The following ANKRD44 variants were observed in gnomAD, a reference collection of about 807,000 sequenced individuals.
ANKRD44 encodes the protein serine/threonine-protein phosphatase 6 regulatory ankyrin repeat subunit B.
A neutral mutation model predicts 116.0 loss-of-function variants in ANKRD44; 35 were observed. The ratio of observed to expected loss-of-function variants is 0.30; its 90% CI spans 0.23 to 0.40. The LOEUF is 0.40. ANKRD44 is among the 10% of genes least tolerant of loss of function. The probability of loss-of-function intolerance (pLI) is 1.00; values close to 1 mark genes in which losing one functional copy is unlikely to be tolerated. For synonymous variants in ANKRD44, 435 were observed against 461.8 expected (o/e 0.94, Z 0.74); for missense variants, 1,014 against 1,242.6 (o/e 0.82, Z 2.77).
chr2:197,263,391 G>T (rs554265383), intron 1 of ANKRD44: 1 of 612,388 alleles, frequency 1.6e-6, no homozygotes. Context: ...TTGCGACTGT[G>T]TTTGGGAGCC....
chr2:197,029,364 T>C (rs567811487), intron 16 of ANKRD44: 9 of 268,902 alleles, frequency 3.3e-5, no homozygotes, highest in African/African-American at 1.4e-4. Context: ...TCTTTGGGAC[T>C]CTGCAATGAA....
At chr2:197,103,198 A>C (rs1300519760) in intron 9 of ANKRD44, among the ~76,000 whole-genome samples, 1 of 147,310 alleles carries the variant, frequency 6.8e-6, no homozygotes, top group African/African-American at 2.5e-5. Flanking sequence ...ACTGCGCTCC[A>C]GCCTGGGCGA....
intron 1 of ANKRD44, among the ~76,000 whole-genome samples, chr2:197,253,814 TAC>T (rs1383863076): frequency 1.1e-4 from 16 of 152,180 alleles, no homozygotes; most frequent in African/African-American, 3.6e-4. Context: ...TATGAGGAGA[TAC>T]AGACAGGCGA....
chr2:196,998,518 C>A, intron 24 of ANKRD44, 99 bp from the exon 25 acceptor site: 2 of 831,038 alleles, frequency 2.4e-6, no homozygotes, highest in Non-Finnish European at 3.9e-6. Flanking sequence ...TAAATTAGTA[C>A]AGTTCACATA....
intron 3 of ANKRD44, among the ~76,000 whole-genome samples, chr2:197,144,127 A>G (rs1036600440): frequency 6.6e-6 from 1 of 152,204 alleles, no homozygotes; most frequent in African/African-American, 2.4e-5. Flanking sequence ...TAAGAAAGTG[A>G]AATTTCCAAG....
At chr2:197,226,298 C>T (rs1486700530) in intron 1 of ANKRD44, among the ~76,000 whole-genome samples, 1 of 152,210 alleles carries the variant, frequency 6.6e-6, no homozygotes, top group Non-Finnish European at 1.5e-5. Context: ...TGTATCCACA[C>T]CAATTAACTC....
intron 1 of ANKRD44, among the ~76,000 whole-genome samples, chr2:197,266,859 T>G (rs747854376): frequency 6.6e-6 from 1 of 152,082 alleles, no homozygotes; most frequent in Non-Finnish European, 1.5e-5. Context: ...CTATTCACAA[T>G]ATAGAAAAAT....
chr2:197,016,817 T>C (rs2076401380), intron 17 of ANKRD44, among the ~76,000 whole-genome samples: 2 of 152,196 alleles, frequency 1.3e-5, no homozygotes, highest in African/African-American at 2.4e-5. Context: ...TCGCACTTTT[T>C]ATTTTTTTAC....
At chr2:197,248,302 G>A (rs1559183673) in intron 1 of ANKRD44, among the ~76,000 whole-genome samples, 1 of 151,964 alleles carries the variant, frequency 6.6e-6, no homozygotes, top group Non-Finnish European at 1.5e-5. Context: ...AAAAAAGACT[G>A]GCCATCCCAA....
At position 197,081,674 on chromosome 2, in the gene ANKRD44, G is replaced by C. The variant is rs2077800129; in HGVS notation, c.1509C>G (p.Ala503=). The C allele has an allele frequency of 6.2e-7, 1 of 1,613,756 alleles. No individual in the cohort carries two copies. Residue 503 remains alanine, a synonymous_variant, in exon 15 of 28, where the codon GCC becomes GCG. Coordinates refer to ENST00000282272, the MANE Select transcript of ANKRD44 (RefSeq NM_001195144.2). The part of the protein sequence containing the change: ...AHDNSEELER[A]RELKEKEATL... ...TGGCTTCCTTTTCCTTCAGCTCCCT[G>C]GCTCTTTCAAGTTCTTCTGAATTAT... is the stretch of plus-strand genomic sequence containing the variant.
intron 1 of ANKRD44, among the ~76,000 whole-genome samples, chr2:197,268,292 G>C (rs535883963): frequency 1.3e-5 from 2 of 152,164 alleles, no homozygotes; most frequent in African/African-American, 4.8e-5. Flanking sequence ...GATAAATCTG[G>C]AGAAAGAAGC....
chr2:197,147,060 C>T lies in ANKRD44; in HGVS notation c.157G>A (p.Asp53Asn). Reference sequence around the variant, plus strand: ...ATCAGGAGTTCAATGATCTCTGCATCTCCCAGAAATGCGGCCACATGAAGA... The same window carrying T: ...ATCAGGAGTTCAATGATCTCTGCATTTCCCAGAAATGCGGCCACATGAAGA... The part of the protein sequence containing the change: ...TPLHVAAFLG[D>N]AEIIELLILS... The change falls in exon 3 of 28, where the codon GAT becomes AAT. Residue 53 changes from aspartate (D) to asparagine (N), a missense_variant. By Grantham distance (23) the Asp-to-Asn change is conservative. Transcript: ENST00000282272. 1 of 1,613,872 alleles carries T rather than the reference C, an allele frequency of 6.2e-7. No individual in the cohort carries two copies. The highest frequency in any genetic ancestry group is 8.5e-7 in the Non-Finnish European group (1 of 1,179,796).
chr2:196,980,368 C>T (rs1346242910), intron 21 of ANKRD44, among the ~76,000 whole-genome samples: 2 of 151,866 alleles, frequency 1.3e-5, no homozygotes, highest in African/African-American at 4.8e-5. Context: ...AATTTCAGGC[C>T]TGAAGAAGAA....
chr2:197,198,972 T>C (rs1574257963), intron 1 of ANKRD44: 1 of 152,122 alleles, frequency 6.6e-6, no homozygotes, highest in African/African-American at 2.4e-5. Context: ...GCACCGGAAG[T>C]TCTGCAGCAC....
chr2:197,291,566 G>A (rs540866214), intron 1 of ANKRD44, among the ~76,000 whole-genome samples: 3 of 152,236 alleles, frequency 2.0e-5, no homozygotes, highest in Non-Finnish European at 2.9e-5. Flanking sequence ...ACAGGCATGA[G>A]CCACCACACC....
intron 1 of ANKRD44, among the ~76,000 whole-genome samples, chr2:197,272,777 C>T (rs1242397236): frequency 6.6e-6 from 1 of 152,100 alleles, no homozygotes; most frequent in African/African-American, 2.4e-5. Flanking sequence ...TCACCAGACA[C>T]CAAATCTGGT....
intron 1 of ANKRD44, among the ~76,000 whole-genome samples, chr2:197,223,476 G>A (rs2081630764): frequency 6.6e-6 from 1 of 152,280 alleles, no homozygotes; most frequent in South Asian, 2.1e-4. Context: ...TACACGCATT[G>A]CTAGTTCATT....
At chr2:197,027,150 CA>C (rs2076611118) in intron 16 of ANKRD44, among the ~76,000 whole-genome samples, 1 of 151,986 alleles carries the variant, frequency 6.6e-6, no homozygotes, top group South Asian at 2.1e-4. Context: ...CACTTGAGCT[CA>C]GGAGTTCAAG....
At chr2:197,055,446 G>A (rs374169678) in intron 16 of ANKRD44, among the ~76,000 whole-genome samples, 219 of 152,152 alleles carry the variant, frequency 1.4e-3, no homozygotes, top group African/African-American at 5.1e-3. Flanking sequence ...AGCTTTTAAC[G>A]TTAATAGAGT....
Sources: allele counts gnomAD v4.1 joint callset (sites outside exome capture counted in the v4.1 genomes callset), GRCh38; gene constraint gnomAD v4.1.1; transcripts MANE v1.5; gene names NCBI Gene and HGNC (gene_info 2026-07-23, HGNC 2026-07-21).